The following GABRR3 variants were observed in gnomAD, a reference collection of about 807,000 sequenced individuals.
GABRR3 encodes gamma-aminobutyric acid receptor subunit rho-3.
GABRR3 carries 29 observed loss-of-function variants against 43.2 expected under a neutral mutation model. The ratio of observed to expected loss-of-function variants is 0.67; its 90% CI spans 0.50 to 0.92. GABRR3 has a LOEUF of 0.92. Among genes scored for constraint, GABRR3 ranks in the 40% least tolerant of loss-of-function variants. The pLI, the probability that GABRR3 is intolerant of heterozygous loss-of-function variation, is 0.00. For missense variants in GABRR3, 576 were observed against 572.3 expected, an observed-to-expected ratio of 1.01 and a Z score of -0.07; for synonymous variants, 206 against 195.9, an observed-to-expected ratio of 1.05 and a Z score of -0.43.
Position 98,035,187 on chromosome 3 carries a change from T to C in GABRR3, c.-3+3A>G. 1.8e-6 allele frequency: 1 copy of C among 571,118 alleles called. No homozygotes were observed. Among genetic ancestry groups the C allele is most frequent in the East Asian group, 3.0e-5 (1 of 33,598 alleles). The allele number at this position is 571,118 out of a possible 1,614,324, so 35.4% of individuals were successfully genotyped here. The stretch of plus-strand genomic sequence containing the variant: ...CTCACAGCACTTACAGGCAAATATC[T>C]ACCTGGATCTTCAGCAATTTGAGGA... On this transcript the variant is annotated splice_donor_region_variant and intron_variant, in intron 1 of 9. Coordinates refer to ENST00000621172, the Ensembl canonical transcript of GABRR3.
chr3:97,986,702 T>A (rs1354607988), exon 10 of GABRR3: 1 of 1,553,440 alleles, frequency 6.4e-7, no homozygotes, highest in Non-Finnish European at 8.7e-7. Context: ...TACACCCCAG[T>A]AAAACAAATT....
At chr3:97,985,250 G>T (rs767219288), downstream of GABRR3, among the ~76,000 whole-genome samples, 1 of 152,190 alleles carries the variant, frequency 6.6e-6, no homozygotes, top group Non-Finnish European at 1.5e-5. Flanking sequence ...CTGCCAATCT[G>T]CAAAATGAAC....
chr3:97,990,766 GT>G (rs1015136774), intron 9 of GABRR3, among the ~76,000 whole-genome samples: 2 of 150,660 alleles, frequency 1.3e-5, no homozygotes, highest in Non-Finnish European at 3.0e-5. Flanking sequence ...GCTTAGAATG[GT>G]GGTTTCCAGG....
chr3:98,027,879 C>T (rs1042501266), intron 2 of GABRR3, among the ~76,000 whole-genome samples: 1 of 151,940 alleles, frequency 6.6e-6, no homozygotes, highest in Non-Finnish European at 1.5e-5. Context: ...TCTAAATATA[C>T]ACATTATGCA....
At chr3:98,006,868 G>T (rs1706729011) in intron 7 of GABRR3, among the ~76,000 whole-genome samples, 1 of 152,192 alleles carries the variant, frequency 6.6e-6, no homozygotes, top group African/African-American at 2.4e-5. Flanking sequence ...GATAAAAGTT[G>T]TCAATTCAGA....
chr3:98,008,021 A>G (rs1336921416), intron 6 of GABRR3, 117 bp from the exon 7 acceptor site: 9 of 757,010 alleles, frequency 1.2e-5, no homozygotes, highest in African/African-American at 1.8e-5. Context: ...TGACATGTAC[A>G]TATTAGGTGA....
At chr3:97,998,299 G>A (rs1706588744) in intron 8 of GABRR3, 1 of 152,076 alleles carries the variant, frequency 6.6e-6, no homozygotes, top group African/African-American at 2.4e-5. Context: ...CAGGATTATG[G>A]CATTTGGTAT....
chr3:98,011,307 T>C (rs1347871840), intron 5 of GABRR3, among the ~76,000 whole-genome samples: 1 of 152,192 alleles, frequency 6.6e-6, no homozygotes, highest in East Asian at 1.9e-4. Flanking sequence ...CAACAGAAAT[T>C]TATTCTCTCA....
At chr3:97,991,981 AT>A (rs1706474680) in intron 9 of GABRR3, among the ~76,000 whole-genome samples, 3 of 152,148 alleles carry the variant, frequency 2.0e-5, no homozygotes, top group Non-Finnish European at 4.4e-5. Flanking sequence ...ATGTGTGTTT[AT>A]TCTGTTAAGT....
At chr3:98,004,378 G>C (rs1706696542) in intron 7 of GABRR3, among the ~76,000 whole-genome samples, 1 of 152,176 alleles carries the variant, frequency 6.6e-6, no homozygotes, top group African/African-American at 2.4e-5. Context: ...TTAAGGGTTA[G>C]AGAGATTAAG....
Position 98,003,512 on chromosome 3 carries a change from T to C in GABRR3, c.755-1745A>G, listed in dbSNP as rs556129190. Among the ~76,000 whole-genome samples the C allele has an allele frequency of 4.6e-5, 7 of 151,926 alleles. No individual in the cohort carries two copies. In the East Asian group the frequency reaches 1.4e-3, roughly 29 times the overall value. On this transcript the variant is annotated intron_variant, in intron 7 of 9. Transcript: ENST00000621172. ...TGGTTTTAGACTAGGGGTGGTATTT[T>C]AGTTGAACCTGCAGGTCATGGGGAG...
chr3:97,996,317 C>T (rs1371958589), intron 8 of GABRR3, among the ~76,000 whole-genome samples: 1 of 152,162 alleles, frequency 6.6e-6, no homozygotes, highest in Non-Finnish European at 1.5e-5. Flanking sequence ...GACATTCCAA[C>T]ATTGCTCTAT....
intron 9 of GABRR3, among the ~76,000 whole-genome samples, chr3:97,990,863 T>A (rs1248496192): frequency 6.6e-6 from 1 of 152,182 alleles, no homozygotes; most frequent in African/African-American, 2.4e-5. Context: ...TGGAGATTGG[T>A]TGCACCACAA....
At chr3:98,002,264 T>A (rs1706657500) in intron 7 of GABRR3, among the ~76,000 whole-genome samples, 1 of 152,182 alleles carries the variant, frequency 6.6e-6, no homozygotes, top group African/African-American at 2.4e-5. Flanking sequence ...ACAGCATCCA[T>A]AAGCTAGTTT....
chr3:97,986,763 C>A (rs1357906184), exon 10 of GABRR3: 1 of 1,604,540 alleles, frequency 6.2e-7, no homozygotes, highest in Non-Finnish European at 8.5e-7. Flanking sequence ...GTGTCAATGA[C>A]ATGGTTGTTT....
chr3:98,021,066 T>C (rs868130502), intron 3 of GABRR3, among the ~76,000 whole-genome samples: 2 of 151,794 alleles, frequency 1.3e-5, no homozygotes, highest in South Asian at 4.2e-4. Flanking sequence ...GGTTTCATCA[T>C]GTTGGTCAGG....
At chr3:98,031,405 G>GA (rs978919591) in intron 2 of GABRR3, among the ~76,000 whole-genome samples, 30 of 152,086 alleles carry the variant, frequency 2.0e-4, no homozygotes, top group African/African-American at 6.8e-4. Flanking sequence ...TGCTTCTTTT[G>GA]AAAAAAATCA....
chr3:97,986,577 T>C, downstream of GABRR3: 1 of 719,746 alleles, frequency 1.4e-6, no homozygotes, highest in Non-Finnish European at 2.2e-6. Context: ...GCAGGAGAGG[T>C]GACTTGCTCT....
At position 98,010,306 on chromosome 3, in the gene GABRR3, G is replaced by A. The variant is rs531414328; in HGVS notation, c.531-1268C>T. Among the ~76,000 whole-genome samples, 50 of 152,298 alleles carry A rather than the reference G, an allele frequency of 3.3e-4. 1 individual carries two copies. The South Asian group carries it at 9.5e-3, about 29-fold the overall frequency. On this transcript the variant is annotated intron_variant, in intron 5 of 9. Coordinates refer to ENST00000621172, the Ensembl canonical transcript of GABRR3. ...CTCCTAATGGAGTTATGTGGATGGC[G>A]CTTAATTCTCTCAGCAATGATATGT...
Sources: gnomAD v4.1 joint callset for allele counts (sites outside exome capture counted in the v4.1 genomes callset) on GRCh38, gnomAD v4.1.1 for gene constraint, MANE v1.5 for transcripts, NCBI Gene and HGNC (gene_info 2026-07-23, HGNC 2026-07-21) for gene names.